The following SAMD4A variants were observed in gnomAD, a reference collection of about 807,000 sequenced individuals.
SAMD4A encodes the protein sterile alpha motif domain containing 4A.
SAMD4A carries 33 observed loss-of-function variants against 81.3 expected under a neutral mutation model. That is an observed-to-expected ratio of 0.41 (90% CI 0.31 to 0.54). SAMD4A has a LOEUF of 0.54. Ranked by LOEUF, SAMD4A falls within the 20% of genes least tolerant of loss-of-function variation. SAMD4A has a pLI of 0.37. For missense variants in SAMD4A, 854 were observed against 951.1 expected, an observed-to-expected ratio of 0.90 and a Z score of 1.34; for synonymous variants, 389 against 382.1, an observed-to-expected ratio of 1.02 and a Z score of -0.21.
intron 3 of SAMD4A, among the ~76,000 whole-genome samples, chr14:54,717,342 T>A (rs1297448939): frequency 6.6e-6 from 1 of 151,324 alleles, no homozygotes; most frequent in Non-Finnish European, 1.5e-5. Context: ...CTTGGGAGGC[T>A]GAGGCAGAAG....
intron 2 of SAMD4A, among the ~76,000 whole-genome samples, chr14:54,678,488 T>G: frequency 1.6e-5 from 1 of 63,974 alleles, no homozygotes; most frequent in Non-Finnish European, 3.9e-5. Flanking sequence ...TGTGTGTGTG[T>G]GTGTGTGTGT....
chr14:54,643,981 G>C (rs1270923779), intron 2 of SAMD4A, among the ~76,000 whole-genome samples: 1 of 152,180 alleles, frequency 6.6e-6, no homozygotes, highest in Non-Finnish European at 1.5e-5. Flanking sequence ...GGAGGGACTC[G>C]GTAGAACAAA....
chr14:54,570,073 T>C (rs77724768), intron 2 of SAMD4A, among the ~76,000 whole-genome samples: 1,888 of 152,356 alleles, frequency 0.012, 43 homozygotes, highest in African/African-American at 0.043. Context: ...ATGATGTAGA[T>C]ATACAAAATA....
At chr14:54,766,053 A>T (rs1415886711) in intron 8 of SAMD4A, among the ~76,000 whole-genome samples, 1 of 152,048 alleles carries the variant, frequency 6.6e-6, no homozygotes, top group African/African-American at 2.4e-5. Context: ...AACTATACCA[A>T]AGTACTAGAC....
intron 2 of SAMD4A, among the ~76,000 whole-genome samples, chr14:54,675,361 C>T (rs189437192): frequency 0.053 from 2,014 of 37,958 alleles, 29 homozygotes; most frequent in Middle Eastern, 0.11. Context: ...AGTGAAACTC[C>T]GTCTCCAAAA....
intron 3 of SAMD4A, among the ~76,000 whole-genome samples, chr14:54,716,696 A>G (rs2037126886): frequency 6.6e-6 from 1 of 152,170 alleles, no homozygotes; most frequent in Non-Finnish European, 1.5e-5. Context: ...AAATACTGAA[A>G]AGATTTCTGT....
At position 54,775,081 on chromosome 14, in the gene SAMD4A, C is replaced by T. The variant is rs377499262; in HGVS notation, c.1863C>T (p.Ser621=). The change falls in exon 10 of 13, where the codon AGC becomes AGT. Residue 621 remains serine (S), a synonymous_variant. Transcript: ENST00000554335. ...TCTTGGGCACCAGTGGATTCGTCAG[C>T]TCCAACCAGCGCAACACCACAGCTA... ...LGLLGTSGFV[S]SNQRNTTATP... The T allele has an allele frequency of 6.2e-7, 1 of 1,614,200 alleles. No homozygotes were observed. Among genetic ancestry groups the T allele is most frequent in the Non-Finnish European group, 8.5e-7 (1 of 1,180,044 alleles).
chr14:54,762,606 A>G (rs1226557852), intron 7 of SAMD4A, among the ~76,000 whole-genome samples: 1 of 152,266 alleles, frequency 6.6e-6, no homozygotes, highest in East Asian at 1.9e-4. Flanking sequence ...AACACGCGGC[A>G]CATCGCCCTA....
At chr14:54,599,312 C>T (rs1358030621) in intron 2 of SAMD4A, among the ~76,000 whole-genome samples, 2 of 152,068 alleles carry the variant, frequency 1.3e-5, no homozygotes, top group Non-Finnish European at 2.9e-5. Flanking sequence ...TTATATATAA[C>T]CCAACATAAA....
chr14:54,689,229 G>A (rs561635318), intron 2 of SAMD4A, among the ~76,000 whole-genome samples: 4 of 152,122 alleles, frequency 2.6e-5, no homozygotes, highest in African/African-American at 4.8e-5. Context: ...CACCGCGCCC[G>A]GCCCAGAGGT....
intron 2 of SAMD4A, among the ~76,000 whole-genome samples, chr14:54,624,059 T>G (rs1249172210): frequency 6.6e-6 from 1 of 152,158 alleles, no homozygotes; most frequent in East Asian, 1.9e-4. Context: ...CACTGCAAAC[T>G]CCGCCTCCCG....
At chr14:54,606,875 G>T (rs2034220334) in intron 2 of SAMD4A, among the ~76,000 whole-genome samples, 1 of 152,178 alleles carries the variant, frequency 6.6e-6, no homozygotes, top group African/African-American at 2.4e-5. Flanking sequence ...TGCCAACATG[G>T]TCTTCAGTGC....
At chr14:54,772,826 CA>C (rs35278828) in intron 9 of SAMD4A, among the ~76,000 whole-genome samples, 39,472 of 145,656 alleles carry the variant, frequency 0.27, 5,892 homozygotes, top group East Asian at 0.53. Context: ...AACAAACAAA[CA>C]AAAAAAAAAA....
intron 2 of SAMD4A, among the ~76,000 whole-genome samples, chr14:54,597,104 C>CTT (rs112337566): frequency 7.3e-6 from 1 of 136,480 alleles, no homozygotes; most frequent in Admixed American, 7.3e-5. Context: ...ATCTGAGTTT[C>CTT]TTTTTTTTTT....
chr14:54,732,323 C>T (rs1376714073), intron 3 of SAMD4A, among the ~76,000 whole-genome samples: 1 of 152,074 alleles, frequency 6.6e-6, no homozygotes, highest in Non-Finnish European at 1.5e-5. Flanking sequence ...GTAGAAAAGT[C>T]ATCCATGACA....
At chr14:54,634,146 G>T (rs542320623) in intron 2 of SAMD4A, among the ~76,000 whole-genome samples, 1 of 152,068 alleles carries the variant, frequency 6.6e-6, no homozygotes, top group East Asian at 1.9e-4. Context: ...ATCAGCCAGG[G>T]ATGGTGGTGT....
intron 2 of SAMD4A, among the ~76,000 whole-genome samples, chr14:54,626,054 G>C (rs2034745582): frequency 1.7e-5 from 2 of 118,052 alleles, no homozygotes. Flanking sequence ...GTGTGTGTGT[G>C]TGTGTGCGCG....
At chr14:54,641,380 G>C (rs939114637) in intron 2 of SAMD4A, among the ~76,000 whole-genome samples, 1 of 152,182 alleles carries the variant, frequency 6.6e-6, no homozygotes. Flanking sequence ...TAGCCCTACA[G>C]ATCACAACCT....
rs1326567732 is a variant in SAMD4A, at chr14:54,709,004, A to T, written c.715+6424A>T. Among the ~76,000 whole-genome samples, 3 of 152,136 alleles carry T rather than the reference A, an allele frequency of 2.0e-5. No individual in the cohort carries two copies. In the South Asian group the frequency reaches 6.2e-4, roughly 32 times the overall value. On this transcript the variant is annotated intron_variant, in intron 3 of 12. Transcript: ENST00000554335. ...ATTAAAAATAGGTGATAGAGGCCGG[A>T]TGCAGTGGCTCACTGTAATCCCAGC...
Sources: allele counts gnomAD v4.1 joint callset (sites outside exome capture counted in the v4.1 genomes callset), GRCh38; gene constraint gnomAD v4.1.1; transcripts MANE v1.5; gene names NCBI Gene and HGNC (gene_info 2026-07-23, HGNC 2026-07-21).